The following ATR variants were observed in gnomAD, a reference collection of about 807,000 sequenced individuals.
ATR encodes the protein ATR checkpoint kinase.
ATR carries 142 observed loss-of-function variants against 305.3 expected under a neutral mutation model. The observed-to-expected ratio is 0.47, with a 90% CI of 0.41 to 0.53. The LOEUF (loss-of-function observed/expected upper bound fraction) is 0.53. Ranked by LOEUF, ATR falls within the 20% of genes least tolerant of loss-of-function variation. The probability of loss-of-function intolerance (pLI) is 0.00; values close to 1 mark genes in which losing one functional copy is unlikely to be tolerated. For missense variants in ATR, 2,135 were observed against 3,133.1 expected, an observed-to-expected ratio of 0.68 and a Z score of 7.60; for synonymous variants, 1,050 against 1,068.1, an observed-to-expected ratio of 0.98 and a Z score of 0.33.
intron 29 of ATR, 106 bp downstream of exon 29, chr3:142,505,033 G>A: frequency 1.5e-6 from 2 of 1,370,840 alleles, no homozygotes; most frequent in Non-Finnish European, 2.0e-6. Flanking sequence ...AACAGAGCGA[G>A]ACTCTGTCTC....
chr3:142,527,340 G>T (rs2033438487), intron 21 of ATR, among the ~76,000 whole-genome samples: 1 of 151,570 alleles, frequency 6.6e-6, no homozygotes, highest in African/African-American at 2.4e-5. Flanking sequence ...CCTTATCTGG[G>T]CCTGGTGCTT....
intron 16 of ATR, among the ~76,000 whole-genome samples, chr3:142,543,887 T>C (rs1452182978): frequency 2.0e-5 from 3 of 151,840 alleles, no homozygotes; most frequent in Non-Finnish European, 4.4e-5. Flanking sequence ...CCCAGGCTGG[T>C]CTCAAACTCC....
chr3:142,556,109 G>C lies in ATR; in HGVS notation c.2109C>G (p.Val703=), dbSNP rs2108471749. 6.2e-7 allele frequency: 1 copy of C among 1,612,868 alleles called. No individual in the cohort carries two copies. The highest frequency in any genetic ancestry group is 8.5e-7 in the Non-Finnish European group (1 of 1,179,626). The change falls in exon 10 of 47, where the codon GTC becomes GTG. Residue 703 remains valine, a synonymous_variant. Transcript: ENST00000350721. ...IDKVKDDSDI[V]KKEFASILGQ... The stretch of plus-strand genomic sequence containing the variant: ...CAAGTATAGAAGCAAATTCTTTCTT[G>C]ACAATGTCAGAATCATCTTTGACTT...
chr3:142,575,382 G>A (rs2035402122), intron 1 of ATR, among the ~76,000 whole-genome samples: 2 of 151,678 alleles, frequency 1.3e-5, no homozygotes, highest in South Asian at 4.2e-4. Context: ...GGAAAGGGAG[G>A]CTGAGACAGG....
rs1462529375 is a variant in ATR at position 142,459,097 on chromosome 3, GATC to G, written c.7361_7363del (p.Arg2454_Ser2455delinsThr). 1.2e-6 allele frequency: 2 copies of G among 1,613,904 alleles called. No homozygotes were observed. The highest frequency in any genetic ancestry group is 2.7e-5 in the African/African-American group (2 of 75,004). ...TACTGCAGTGGAACGGCAGTAAGCT[GATC>G]TACTACTGTACCTAAAAGAAACACA... On this transcript the variant is annotated inframe_deletion, in exon 44 of 47. Coordinates refer to ENST00000350721, the MANE Select transcript of ATR (RefSeq NM_001184.4).
chr3:142,568,443 A>G (rs2035145803), intron 1 of ATR, among the ~76,000 whole-genome samples: 1 of 152,256 alleles, frequency 6.6e-6, no homozygotes, highest in Non-Finnish European at 1.5e-5. Context: ...AAATGTGATT[A>G]GTACAAATTG....
chr3:142,504,840 A>G (rs2032155953), intron 29 of ATR, among the ~76,000 whole-genome samples: 1 of 152,156 alleles, frequency 6.6e-6, no homozygotes, highest in Non-Finnish European at 1.5e-5. Context: ...AGAGGGTTAA[A>G]TATTTTCCAG....
chr3:142,483,010 CTTTT>C (rs1227169409), intron 36 of ATR, among the ~76,000 whole-genome samples: 1 of 92,318 alleles, frequency 1.1e-5, no homozygotes, highest in Non-Finnish European at 2.3e-5. Context: ...TTCTTTCTTT[CTTTT>C]TTTTTTTTTG....
At chr3:142,468,493 A>G (rs1462218680) in intron 38 of ATR, among the ~76,000 whole-genome samples, 1 of 152,218 alleles carries the variant, frequency 6.6e-6, no homozygotes, top group Non-Finnish European at 1.5e-5. Context: ...GTACGGCAAC[A>G]TAATTAAATT....
intron 40 of ATR, chr3:142,465,578 C>T (rs1426371456): frequency 1.2e-5 from 2 of 164,190 alleles, no homozygotes; most frequent in African/African-American, 4.8e-5. Flanking sequence ...CAGGATCTTT[C>T]TGCGGAGCCT....
At chr3:142,465,901 G>C in intron 40 of ATR, 1 of 192,620 alleles carries the variant, frequency 5.2e-6, no homozygotes, top group South Asian at 9.4e-5. Flanking sequence ...AGCTACTCAG[G>C]AGGCTGAGGT....
chr3:142,506,170 A>G (rs1428379538), intron 28 of ATR, among the ~76,000 whole-genome samples: 1 of 152,230 alleles, frequency 6.6e-6, no homozygotes, highest in Non-Finnish European at 1.5e-5. Flanking sequence ...TAAAGAAACT[A>G]GACAATTCCT....
In ATR at chr3:142,540,736, A is replaced by G. The variant is rs181068003; in HGVS notation, c.3581+168T>C. On this transcript the variant is annotated intron_variant, in intron 18 of 46. Transcript: ENST00000350721. ...CAGTATGTTAAAAGACTTCCATAGT[A>G]AAATGTTTTAAAAGAAGTAAATATG... Among the ~76,000 whole-genome samples, 23 of 152,292 alleles carry G rather than the reference A, an allele frequency of 1.5e-4. No individual in the cohort carries two copies. The East Asian group carries it at 4.0e-3, about 27-fold the overall frequency.
intron 31 of ATR, 32 bp downstream of exon 31, chr3:142,499,594 TA>T (rs1463774654): frequency 1.2e-6 from 2 of 1,604,970 alleles, no homozygotes; most frequent in Non-Finnish European, 1.7e-6. Flanking sequence ...GCACCCATCC[TA>T]AAACTGCTTA....
At chr3:142,463,232 CTTTAA>C (rs2071057671) in intron 41 of ATR, among the ~76,000 whole-genome samples, 1 of 152,058 alleles carries the variant, frequency 6.6e-6, no homozygotes, top group African/African-American at 2.4e-5. Flanking sequence ...TAACAAAATA[CTTTAA>C]TTAAAGTAAC....
intron 32 of ATR, among the ~76,000 whole-genome samples, chr3:142,498,166 T>G (rs561960595): frequency 3.0e-4 from 45 of 152,360 alleles, no homozygotes; most frequent in African/African-American, 1.0e-3. Flanking sequence ...TTTCCAACAT[T>G]TTCTTCTTCA....
chr3:142,475,811 C>T (rs899451464), intron 36 of ATR, among the ~76,000 whole-genome samples: 47 of 152,152 alleles, frequency 3.1e-4, no homozygotes, highest in South Asian at 8.3e-4. Context: ...GAGATGGTAT[C>T]TCATTGTGGT....
intron 36 of ATR, among the ~76,000 whole-genome samples, chr3:142,476,278 G>A (rs1007834933): frequency 6.6e-6 from 1 of 152,162 alleles, no homozygotes; most frequent in Non-Finnish European, 1.5e-5. Flanking sequence ...CGTATAAGGT[G>A]TAAGGAAGGA....
intron 16 of ATR, 34 bp downstream of exon 16, chr3:142,547,691 C>G (rs374213771): frequency 6.9e-6 from 11 of 1,602,226 alleles, no homozygotes; most frequent in Non-Finnish European, 9.4e-6. Flanking sequence ...GGAAGAAAAA[C>G]AAACAAAAAA....
Sources: allele counts gnomAD v4.1 joint callset (sites outside exome capture counted in the v4.1 genomes callset), GRCh38; gene constraint gnomAD v4.1.1; transcripts MANE v1.5; gene names NCBI Gene and HGNC (gene_info 2026-07-23, HGNC 2026-07-21).